Variants in MTMR1 observed in about 807,000 individuals in gnomAD.
The protein encoded by MTMR1 is myotubularin related protein 1.
Under a neutral mutation model 51.6 loss-of-function variants are expected in MTMR1, and 17 were observed. That is an observed-to-expected ratio of 0.33 (90% confidence interval 0.23 to 0.49). The LOEUF is 0.49. Among genes scored for constraint, MTMR1 ranks in the 20% least tolerant of loss-of-function variants. MTMR1 has a pLI of 0.99. For missense variants in MTMR1, 386 were observed against 526.9 expected (o/e 0.73, Z 2.62); for synonymous variants, 201 against 205.6 (o/e 0.98, Z 0.19).
chrX:150,722,115 T>A (rs1357861892), intron 4 of MTMR1, among the ~76,000 whole-genome samples: 2 of 112,263 alleles, frequency 1.8e-5, no homozygotes, highest in Admixed American at 9.5e-5. Context: ...AACATGCTTT[T>A]TATAACTTGA....
At chrX:150,727,050 A>G (rs1557416791) in intron 4 of MTMR1, 165 bp from the exon 5 acceptor site, 1 of 311,879 alleles carries the variant, frequency 3.2e-6, no homozygotes, top group African/African-American at 2.7e-5. Context: ...ATTTATTAGA[A>G]GACTATGCAT....
At chrX:150,749,946 G>A (rs1039052757) in intron 13 of MTMR1, among the ~76,000 whole-genome samples, 4 of 110,870 alleles carry the variant, frequency 3.6e-5, no homozygotes, top group Admixed American at 9.6e-5. Context: ...GTGAAACCCC[G>A]TCTCTACTAA....
chrX:150,762,347 C>T (rs1023342123), intron 15 of MTMR1, among the ~76,000 whole-genome samples: 1 of 111,845 alleles, frequency 8.9e-6, no homozygotes, highest in Non-Finnish European at 1.9e-5. Flanking sequence ...CTCAGCGGCT[C>T]GGCCCCCGGA....
chrX:150,740,284 C>G (rs1241629615), intron 12 of MTMR1, among the ~76,000 whole-genome samples: 2 of 111,817 alleles, frequency 1.8e-5, no homozygotes, highest in Middle Eastern at 4.2e-3. Context: ...CCCGCCCCCC[C>G]ACAATCTGGT....
At chrX:150,738,091 G>A (rs142915531) in intron 12 of MTMR1, among the ~76,000 whole-genome samples, 1 of 111,108 alleles carries the variant, frequency 9.0e-6, no homozygotes, top group Non-Finnish European at 1.9e-5. Flanking sequence ...AACAAAAACC[G>A]TACTCTTCAC....
intron 9 of MTMR1, 103 bp from the exon 10 acceptor site, chrX:150,732,439 T>C: frequency 1.4e-6 from 1 of 733,282 alleles, no homozygotes; most frequent in African/African-American, 2.2e-5. Context: ...AGAAAATATG[T>C]ATAAGAGACC....
rs782179633 is a variant in MTMR1 at position 150,699,181 on chromosome X, G to A, written c.147-14G>A. On this transcript the variant is annotated splice_polypyrimidine_tract_variant and intron_variant, in intron 1 of 15. Coordinates refer to ENST00000445323, the MANE Select transcript of MTMR1 (RefSeq NM_001306144.3). ...TATGATATAACGTTTTGTAATCCATGCTATTTTTTTTAGTCCCACAGGATC... is the reference window on the plus strand; with the variant it reads ...TATGATATAACGTTTTGTAATCCATACTATTTTTTTTAGTCCCACAGGATC... 7.3e-6 allele frequency: 8 copies of A among 1,103,335 alleles called. No individual in the cohort carries two copies. The East Asian group carries it at 2.5e-4, about 35-fold the overall frequency. 90.9% of individuals were successfully genotyped at this position (1,103,335 alleles called of 1,213,427 possible). A position where few individuals can be genotyped will look rare whatever the true frequency, so the allele number is the denominator to read the frequency against.
At chrX:150,748,959 A>G (rs1424689429) in intron 13 of MTMR1, among the ~76,000 whole-genome samples, 2 of 112,549 alleles carry the variant, frequency 1.8e-5, no homozygotes, top group African/African-American at 6.5e-5. Context: ...AGATATTGTT[A>G]GCATTTCAGC....
intron 13 of MTMR1, among the ~76,000 whole-genome samples, chrX:150,746,777 CA>C (rs1215720732): frequency 4.4e-4 from 50 of 112,484 alleles, no homozygotes; most frequent in African/African-American, 1.3e-3. Flanking sequence ...ATGCTTCTCA[CA>C]GCTCTAAGAT....
At chrX:150,719,654 A>C (rs1327579286) in intron 4 of MTMR1, among the ~76,000 whole-genome samples, 2 of 112,146 alleles carry the variant, frequency 1.8e-5, no homozygotes, top group African/African-American at 6.5e-5. Flanking sequence ...TCTTCTTCAG[A>C]CAGTAAACAA....
At chrX:150,751,673 C>T (rs781874869) in intron 14 of MTMR1, among the ~76,000 whole-genome samples, 43 of 110,828 alleles carry the variant, frequency 3.9e-4, no homozygotes, top group African/African-American at 1.3e-3. Context: ...CTCTTCTCCC[C>T]TCAACTCTTG....
chrX:150,727,156 A>C lies in MTMR1; in HGVS notation c.353-59A>C, dbSNP rs1557416799. 3.9e-6 allele frequency: 3 copies of C among 763,063 alleles called. No homozygotes were observed. The African/African-American group carries it at 6.4e-5, about 16-fold the overall frequency. The allele number at this position is 763,063 out of a possible 1,213,427, so 62.9% of individuals were successfully genotyped here. ...AATATATATTTGGAAAACTCGTGTT[A>C]AGTTTTATGGAAGCACAAGTCTATG... On this transcript the variant is annotated intron_variant, in intron 4 of 15. Coordinates refer to ENST00000445323, the MANE Select transcript of MTMR1 (RefSeq NM_001306144.3).
chrX:150,744,790 G>A (rs1603265316), intron 13 of MTMR1, among the ~76,000 whole-genome samples: 1 of 111,723 alleles, frequency 9.0e-6, no homozygotes, highest in African/African-American at 3.3e-5. Context: ...CTAAGATTTG[G>A]CCAGATGTTA....
At chrX:150,707,383 G>A (rs782769112) in intron 2 of MTMR1, among the ~76,000 whole-genome samples, 2 of 112,008 alleles carry the variant, frequency 1.8e-5, no homozygotes, top group African/African-American at 6.5e-5. Context: ...TTTGAAACTC[G>A]ACAGTAAAAA....
intron 15 of MTMR1, among the ~76,000 whole-genome samples, chrX:150,758,099 C>T (rs1354876117): frequency 9.0e-6 from 1 of 111,109 alleles, no homozygotes; most frequent in Admixed American, 9.6e-5. Context: ...GAGGTGCGCC[C>T]CTCTGCTGCA....
At chrX:150,744,280 T>C (rs1254153569) in intron 12 of MTMR1, 81 bp from the exon 13 acceptor site, 24 of 768,633 alleles carry the variant, frequency 3.1e-5, no homozygotes, top group Non-Finnish European at 3.9e-6. Flanking sequence ...GAGATGTGAT[T>C]CTTACCACTG....
rs1190559175 is a variant in MTMR1 at position 150,764,714 on chromosome X, C to T, written c.*1985C>T. On this transcript the variant is annotated 3_prime_UTR_variant, in exon 16 of 16. Coordinates refer to ENST00000445323, the MANE Select transcript of MTMR1 (RefSeq NM_001306144.3). Reference sequence around the variant, plus strand: ...TCGATTTTAAAGAAGCACAACGGGTCATTTTCCTTTGTATGTTCCTAGCGC... The same window carrying T: ...TCGATTTTAAAGAAGCACAACGGGTTATTTTCCTTTGTATGTTCCTAGCGC... 1 of 112,285 alleles carries T rather than the reference C, an allele frequency of 8.9e-6. No homozygotes were observed. Among genetic ancestry groups the T allele is most frequent in the Non-Finnish European group, 1.9e-5 (1 of 53,297 alleles). The allele number at this position is 112,285 out of a possible 1,213,427, so 9.3% of individuals were successfully genotyped here.
At chrX:150,717,471 A>G (rs1557416438) in intron 3 of MTMR1, among the ~76,000 whole-genome samples, 1 of 110,077 alleles carries the variant, frequency 9.1e-6, no homozygotes, top group Non-Finnish European at 1.9e-5. Flanking sequence ...AGACCTATTC[A>G]CATCTCTTGG....
At chrX:150,711,211 A>G (rs1265894524) in intron 2 of MTMR1, among the ~76,000 whole-genome samples, 1 of 112,542 alleles carries the variant, frequency 8.9e-6, no homozygotes, top group Non-Finnish European at 1.9e-5. Context: ...TAAGCTTCTC[A>G]GTCTGAATAG....
Sources: gnomAD v4.1 joint callset for allele counts (sites outside exome capture counted in the v4.1 genomes callset) on GRCh38, gnomAD v4.1.1 for gene constraint, MANE v1.5 for transcripts, NCBI Gene and HGNC (gene_info 2026-07-23, HGNC 2026-07-21) for gene names.